ACACA: variants seen among roughly 807,000 people sequenced by gnomAD.
ACACA encodes acetyl-CoA carboxylase alpha, also known as acetyl-CoA carboxylase 1.
In ACACA, 103 loss-of-function variants were observed where a neutral mutation model predicts 296.1. The observed-to-expected ratio is 0.35, with a 90% CI of 0.30 to 0.41. The LOEUF is 0.41. ACACA is among the 10% of genes least tolerant of loss of function. ACACA has a pLI of 1.00. For missense variants in ACACA, 1,554 were observed against 2,989.7 expected (o/e 0.52, Z 11.20); for synonymous variants, 953 against 1,038.6 (o/e 0.92, Z 1.58).
At chr17:37,381,775 T>G (rs4485415) in intron 1 of ACACA, among the ~76,000 whole-genome samples, 6 of 151,322 alleles carry the variant, frequency 4.0e-5, no homozygotes, top group Non-Finnish European at 8.8e-5. Context: ...CTACAGGCAC[T>G]CGCCACCACA....
At chr17:37,354,011 A>T (rs2049023405) in intron 1 of ACACA, among the ~76,000 whole-genome samples, 1 of 152,124 alleles carries the variant, frequency 6.6e-6, no homozygotes, top group Non-Finnish European at 1.5e-5. Context: ...AGGAGGCTGA[A>T]GTGGGAGGAT....
rs1402321453 is a variant in ACACA, at chr17:37,355,339, C to A, written c.39-15489G>T. Reference sequence around the variant, plus strand: ...TTGGGAGGCCGAAGTGGGTGGATCACAAGGTCAGGAGTTCAAGACCAGGCT... The same window carrying A: ...TTGGGAGGCCGAAGTGGGTGGATCAAAAGGTCAGGAGTTCAAGACCAGGCT... On this transcript the variant is annotated intron_variant, in intron 1 of 55. Coordinates refer to ENST00000616317, the MANE Select transcript of ACACA (RefSeq NM_198834.3). Among the ~76,000 whole-genome samples, 4 of 152,034 alleles carry A rather than the reference C, an allele frequency of 2.6e-5. No individual in the cohort carries two copies. The East Asian group carries it at 7.7e-4, about 29-fold the overall frequency.
At chr17:37,271,519 A>G (rs1456642189) in intron 9 of ACACA, among the ~76,000 whole-genome samples, 1 of 152,154 alleles carries the variant, frequency 6.6e-6, no homozygotes, top group Non-Finnish European at 1.5e-5. Context: ...CCATCTCAAA[A>G]AAAACAAAAA....
chr17:37,143,893 T>A, intron 45 of ACACA: 1 of 1,531,634 alleles, frequency 6.5e-7, no homozygotes, highest in Non-Finnish European at 9.0e-7. Flanking sequence ...TGCAGCAGTG[T>A]TATTCCACAT....
At chr17:37,200,218 G>A in intron 34 of ACACA, 35 bp from the exon 35 acceptor site, 1 of 1,553,982 alleles carries the variant, frequency 6.4e-7, no homozygotes, top group Non-Finnish European at 8.9e-7. Context: ...AGGAAAGACA[G>A]CAGAAGTTGG....
At chr17:37,090,745 A>C (rs2072564607) in intron 54 of ACACA, among the ~76,000 whole-genome samples, 1 of 152,206 alleles carries the variant, frequency 6.6e-6, no homozygotes, top group African/African-American at 2.4e-5. Flanking sequence ...CCACATATGG[A>C]TGGGTCCCCC....
intron 3 of ACACA, among the ~76,000 whole-genome samples, chr17:37,320,237 C>T (rs900839205): frequency 2.0e-5 from 3 of 152,160 alleles, no homozygotes; most frequent in East Asian, 1.9e-4. Context: ...AAGGCCTGGG[C>T]GCAGTGGCTC....
At chr17:37,365,629 T>C (rs1453650062) in intron 1 of ACACA, 3 of 985,354 alleles carry the variant, frequency 3.0e-6, no homozygotes, top group East Asian at 2.3e-4. Context: ...AGTCCTTATC[T>C]GAATACTATG....
At position 37,171,975 on chromosome 17, in the gene ACACA, C is replaced by T. The variant is rs551371026; in HGVS notation, c.5079+7285G>A. The stretch of plus-strand genomic sequence containing the variant: ...CTACTATAGTCCCAGAAGCCTTGTC[C>T]ATTAATCATACGAATGAGTGCTGAA... On this transcript the variant is annotated intron_variant, in intron 41 of 55. Coordinates refer to ENST00000616317, the MANE Select transcript of ACACA (RefSeq NM_198834.3). 5.3e-5 allele frequency among the ~76,000 whole-genome samples: 8 copies of T among 152,260 alleles called. No individual in the cohort carries two copies. The East Asian group carries it at 7.7e-4, about 15-fold the overall frequency.
At chr17:37,376,196 C>A (rs1395838470) in intron 1 of ACACA, 1 of 1,521,632 alleles carries the variant, frequency 6.6e-7, no homozygotes, top group Non-Finnish European at 9.1e-7. Context: ...CAGAGAGAGG[C>A]CTAGAAAGAG....
At chr17:37,394,484 A>G (rs2051006678) in intron 1 of ACACA, among the ~76,000 whole-genome samples, 1 of 150,808 alleles carries the variant, frequency 6.6e-6, no homozygotes, top group Non-Finnish European at 1.5e-5. Flanking sequence ...GTGCTGGGGT[A>G]AAAAGTCCAG....
At chr17:37,232,543 G>A (rs1000157200) in intron 25 of ACACA, among the ~76,000 whole-genome samples, 2 of 152,136 alleles carry the variant, frequency 1.3e-5, no homozygotes, top group Non-Finnish European at 2.9e-5. Flanking sequence ...TGTCAAAGAG[G>A]AAAAGAGGAA....
intron 41 of ACACA, 115 bp downstream of exon 41, chr17:37,179,145 A>T: frequency 7.6e-7 from 1 of 1,318,980 alleles, no homozygotes; most frequent in Non-Finnish European, 1.1e-6. Context: ...GCTCTCTCTA[A>T]AGAACTCTCC....
At chr17:37,165,073 T>C (rs2076609942) in intron 41 of ACACA, among the ~76,000 whole-genome samples, 2 of 152,118 alleles carry the variant, frequency 1.3e-5, no homozygotes, top group Admixed American at 6.5e-5. Context: ...CACTATTCTT[T>C]ATCAATGTCT....
chr17:37,386,047 G>A (rs2050513204), intron 1 of ACACA: 1 of 1,604,956 alleles, frequency 6.2e-7, no homozygotes, highest in Non-Finnish European at 8.5e-7. Flanking sequence ...AGTCCTGGGG[G>A]CTTCATCAGA....
rs1334073349 is a variant in ACACA at position 37,251,997 on chromosome 17, A to G, written c.2081+8T>C. On this transcript the variant is annotated splice_region_variant and intron_variant, in intron 16 of 55. Coordinates refer to ENST00000616317, the MANE Select transcript of ACACA (RefSeq NM_198834.3). ...TAGTTTGTGTAGCCTACAAGAAACA[A>G]AGCCTACCTTTCTAAGGAGTGAAGG... The G allele has an allele frequency of 6.2e-7, 1 of 1,612,766 alleles. No homozygotes were observed. Among genetic ancestry groups the G allele is most frequent in the South Asian group, 1.1e-5 (1 of 91,064 alleles).
At chr17:37,200,299 AACTT>A in intron 34 of ACACA, 116 bp from the exon 35 acceptor site, 1 of 1,368,552 alleles carries the variant, frequency 7.3e-7, no homozygotes, top group African/African-American at 1.4e-5. Flanking sequence ...TTAAAAATGA[AACTT>A]ACAGAAAAGT....
At chr17:37,207,159 A>G (rs867381827) in intron 31 of ACACA, among the ~76,000 whole-genome samples, 2 of 152,336 alleles carry the variant, frequency 1.3e-5, no homozygotes, top group Middle Eastern at 3.4e-3. Flanking sequence ...CATATGTAAG[A>G]TATGAGCACT....
chr17:37,240,424 G>A, intron 24 of ACACA, 52 bp downstream of exon 24: 1 of 1,540,770 alleles, frequency 6.5e-7, no homozygotes, highest in Non-Finnish European at 8.9e-7. Context: ...GTTTGGGTTG[G>A]TTATCAGAAT....
Sources: gnomAD v4.1 joint callset for allele counts (sites outside exome capture counted in the v4.1 genomes callset) on GRCh38, gnomAD v4.1.1 for gene constraint, MANE v1.5 for transcripts, NCBI Gene and HGNC (gene_info 2026-07-23, HGNC 2026-07-21) for gene names.